C1orf54: variants seen among roughly 807,000 people sequenced by gnomAD.
C1orf54 encodes the protein uncharacterized protein C1orf54.
C1orf54 carries 12 observed loss-of-function variants against 14.7 expected under a neutral mutation model. The observed-to-expected ratio is 0.82, with a 90% CI of 0.52 to 1.32. C1orf54 has a LOEUF of 1.32. Among genes scored for constraint, C1orf54 ranks in the 40% most tolerant of loss-of-function variants. The pLI, the probability that C1orf54 is intolerant of heterozygous loss-of-function variation, is 0.00. For missense variants in C1orf54, 163 were observed against 162.2 expected (o/e 1.00, Z -0.03); for synonymous variants, 65 against 56.3 (o/e 1.16, Z -0.70).
At position 150,273,378 on chromosome 1, in the gene C1orf54, G is replaced by A. The variant is rs79484764; in HGVS notation, c.46+515G>A. On this transcript the variant is annotated intron_variant, in intron 1 of 5. Coordinates refer to ENST00000369099, the MANE Select transcript of C1orf54 (RefSeq NM_024579.4). ...TCCTTTGTTCCCCAGTCTACCAGGTGTGTCTCATTGTTTCCTTTTCCTCTA... is the reference window on the plus strand; with the variant it reads ...TCCTTTGTTCCCCAGTCTACCAGGTATGTCTCATTGTTTCCTTTTCCTCTA... Among the ~76,000 whole-genome samples the A allele has an allele frequency of 8.9e-3, 1,352 of 152,324 alleles. 29 individuals carry two copies. The highest frequency in any genetic ancestry group is 0.031 in the African/African-American group (1,281 of 41,560).
rs1652940348 is a variant in C1orf54 at position 150,279,656 on chromosome 1, A to C, written c.314A>C (p.Asn105Thr). Residue 105 changes from asparagine (N) to threonine (T), a missense_variant, in exon 5 of 6, where the codon AAC becomes ACC. Physicochemically the swap from Asn to Thr is moderately conservative, Grantham distance 65. Transcript: ENST00000369099. ...PVTTEPSPDL[N>T]DAVSSLRSPI... ...GTATTTTAGCAGAGTCCAGATCTGA[A>C]CGATGCCGTGTCCAGTTTGCGAAGT... 1.2e-6 allele frequency: 2 copies of C among 1,612,344 alleles called. No individual in the cohort carries two copies. The highest frequency in any genetic ancestry group is 1.7e-6 in the Non-Finnish European group (2 of 1,179,264).
intron 5 of C1orf54, 37 bp downstream of exon 5, chr1:150,279,778 AAAT>A: frequency 2.6e-6 from 4 of 1,536,744 alleles, no homozygotes; most frequent in Non-Finnish European, 3.6e-6. Flanking sequence ...GGAGTCTGTG[AAAT>A]AATATTTTTT....
chr1:150,277,672 A>G (rs782606674), intron 4 of C1orf54, among the ~76,000 whole-genome samples: 18 of 152,172 alleles, frequency 1.2e-4, no homozygotes, highest in Non-Finnish European at 2.4e-4. Context: ...ATACTTGCTT[A>G]GTAATTTCAC....
intron 2 of C1orf54, 138 bp from the exon 3 acceptor site, chr1:150,275,603 T>C: frequency 3.2e-6 from 2 of 617,524 alleles, no homozygotes; most frequent in South Asian, 4.7e-5. Flanking sequence ...TTTTTAACAT[T>C]AGTTAAATAA....
intron 2 of C1orf54, 120 bp downstream of exon 2, chr1:150,274,290 T>C (rs1553851939): frequency 1.4e-6 from 1 of 732,688 alleles, no homozygotes. Context: ...AATCTGGCTA[T>C]GAACAAAACC....
upstream of C1orf54, among the ~76,000 whole-genome samples, chr1:150,269,789 G>A (rs3754048): frequency 1.3e-5 from 2 of 151,994 alleles, no homozygotes; most frequent in Admixed American, 6.5e-5. Flanking sequence ...GGCTGAGCGC[G>A]GTGGCTCACC....
At position 150,276,583 on chromosome 1, in the gene C1orf54, G is replaced by A. The variant is rs782598834; in HGVS notation, c.251G>A (p.Arg84His). 30 of 1,614,008 alleles carry A rather than the reference G, an allele frequency of 1.9e-5. No homozygotes were observed. Among genetic ancestry groups the A allele is most frequent in the East Asian group, 1.6e-4 (7 of 44,894 alleles). ...IETTISLETA[R>H]ADHPKPVTVK... ...ACTACCATTAGTCTTGAAACAGCACGTGCAGACCATCCGAAGCCTGTAACT... is the reference window on the plus strand; with the variant it reads ...ACTACCATTAGTCTTGAAACAGCACATGCAGACCATCCGAAGCCTGTAACT... The change falls in exon 4 of 6, where the codon CGT becomes CAT. Residue 84 changes from arginine to histidine, a missense_variant. Transcript: ENST00000369099.
chr1:150,276,394 GA>G (rs782727426), intron 3 of C1orf54, 127 bp from the exon 4 acceptor site: 1 of 706,252 alleles, frequency 1.4e-6, no homozygotes, highest in East Asian at 2.6e-5. Flanking sequence ...GGGTAGGGGG[GA>G]ATCCCTGAGC....
chr1:150,270,468 C>A (rs1026728786), upstream of C1orf54, among the ~76,000 whole-genome samples: 2 of 151,664 alleles, frequency 1.3e-5, no homozygotes, highest in Non-Finnish European at 2.9e-5. Context: ...GTGGTAAAAC[C>A]CCATCTCTAC....
chr1:150,278,994 G>A (rs587699937), intron 4 of C1orf54, among the ~76,000 whole-genome samples: 87 of 152,352 alleles, frequency 5.7e-4, no homozygotes, highest in Non-Finnish European at 1.1e-3. Flanking sequence ...ACAGTAGGCT[G>A]GGCGCAGTGG....
At chr1:150,276,820 T>G (rs1652698274) in intron 4 of C1orf54, among the ~76,000 whole-genome samples, 188 bp downstream of exon 4, 1 of 152,152 alleles carries the variant, frequency 6.6e-6, no homozygotes, top group Admixed American at 6.5e-5. Flanking sequence ...TACAGAACAC[T>G]GGGAAGATAT....
intron 2 of C1orf54, 29 bp downstream of exon 2, chr1:150,274,199 G>A (rs1436440400): frequency 8.8e-6 from 13 of 1,482,908 alleles, no homozygotes; most frequent in Non-Finnish European, 1.1e-5. Flanking sequence ...CTTGCCCTTA[G>A]CCAACTGGAG....
chr1:150,274,908 G>A (rs147347467), intron 2 of C1orf54, among the ~76,000 whole-genome samples: 2,870 of 42,070 alleles, frequency 0.068, 126 homozygotes, highest in African/African-American at 0.26. Flanking sequence ...ATGAGACTAC[G>A]TCACAAAAAA....
chr1:150,268,965 A>T (rs1053757105), upstream of C1orf54: 4 of 617,104 alleles, frequency 6.5e-6, no homozygotes, highest in Non-Finnish European at 1.1e-5. Flanking sequence ...AAGGGGGGGA[A>T]CCGAAACCCC....
intron 5 of C1orf54, among the ~76,000 whole-genome samples, chr1:150,280,520 G>A (rs1653000594): frequency 2.0e-5 from 3 of 152,244 alleles, no homozygotes; most frequent in Non-Finnish European, 4.4e-5. Flanking sequence ...AGAGTCAAGA[G>A]GCAAAGTTCA....
At chr1:150,275,592 A>AT in intron 2 of C1orf54, 149 bp from the exon 3 acceptor site, 1 of 610,224 alleles carries the variant, frequency 1.6e-6, no homozygotes, top group East Asian at 3.0e-5. Flanking sequence ...ATTCACAGTC[A>AT]TTTTTAACAT....
At chr1:150,272,604 C>A (rs587629696), upstream of C1orf54, 43 of 584,824 alleles carry the variant, frequency 7.4e-5, no homozygotes, top group South Asian at 6.2e-4. Flanking sequence ...TCAAAACCCC[C>A]TTTTGCCTCT....
intron 4 of C1orf54, among the ~76,000 whole-genome samples, chr1:150,277,584 T>C (rs1293632414): frequency 8.0e-6 from 1 of 124,528 alleles, no homozygotes; most frequent in Non-Finnish European, 1.7e-5. Context: ...GTTTAGCAAA[T>C]AGGGTATGAT....
upstream of C1orf54, among the ~76,000 whole-genome samples, chr1:150,271,905 A>G (rs1184036481): frequency 2.0e-5 from 3 of 152,130 alleles, no homozygotes; most frequent in Non-Finnish European, 1.5e-5. Context: ...TTGGGAGGCC[A>G]AGACAGGTGG....
Sources: gnomAD v4.1 joint callset for allele counts (sites outside exome capture counted in the v4.1 genomes callset) on GRCh38, gnomAD v4.1.1 for gene constraint, MANE v1.5 for transcripts, NCBI Gene and HGNC (gene_info 2026-07-23, HGNC 2026-07-21) for gene names.